The following NFIA variants were observed in gnomAD, a reference collection of about 807,000 sequenced individuals.
NFIA encodes the protein nuclear factor 1 A-type.
Under a neutral mutation model 62.8 loss-of-function variants are expected in NFIA, and 8 were observed. That is an observed-to-expected ratio of 0.13 (90% CI 0.07 to 0.23). NFIA has a LOEUF of 0.23. Ranked by LOEUF, NFIA falls within the 10% of genes least tolerant of loss-of-function variation. The pLI is 1.00. For synonymous variants in NFIA, 235 were observed against 238.1 expected (o/e 0.99, Z 0.12); for missense variants, 410 against 642.1 (o/e 0.64, Z 3.91).
chr1:61,449,498 C>T (rs1667968187), intron 10 of NFIA, among the ~76,000 whole-genome samples: 1 of 152,226 alleles, frequency 6.6e-6, no homozygotes, highest in Admixed American at 6.5e-5. Flanking sequence ...AGAAAGACCC[C>T]TCTGAAGAAG....
At chr1:61,078,071 G>C (rs1419679760), upstream of NFIA, among the ~76,000 whole-genome samples, 1 of 152,010 alleles carries the variant, frequency 6.6e-6, no homozygotes. Flanking sequence ...GGACAACTTG[G>C]GAGATTGACA....
intron 10 of NFIA, among the ~76,000 whole-genome samples, chr1:61,432,241 A>G (rs1667128238): frequency 1.4e-5 from 2 of 144,824 alleles, no homozygotes; most frequent in African/African-American, 2.6e-5. Context: ...TTTTTTGCCA[A>G]TCAGATGGTA....
rs187260245 is a variant in NFIA, at chr1:61,225,479, G to A, written c.560-52041G>A. On this transcript the variant is annotated intron_variant, in intron 2 of 10. Coordinates refer to ENST00000403491, the MANE Select transcript of NFIA (RefSeq NM_001134673.4). ...TTGGCCAGGATGGTCTTGATCTCTT[G>A]ACTTTGTGATCCGCCTGCCTCGGCC... 8.9e-3 allele frequency among the ~76,000 whole-genome samples: 1,341 copies of A among 151,190 alleles called. 12 individuals are homozygous for A. Among genetic ancestry groups the A allele is most frequent in the Middle Eastern group, 0.017 (5 of 290 alleles).
chr1:61,386,677 A>C (rs1157938925), intron 7 of NFIA, among the ~76,000 whole-genome samples: 2 of 152,254 alleles, frequency 1.3e-5, no homozygotes, highest in African/African-American at 4.8e-5. Flanking sequence ...TACATTTGGA[A>C]ATTTCACAGC....
At chr1:61,233,531 T>G (rs1490185664) in intron 2 of NFIA, among the ~76,000 whole-genome samples, 1 of 152,214 alleles carries the variant, frequency 6.6e-6, no homozygotes, top group East Asian at 1.9e-4. Flanking sequence ...CAGAAGAGTC[T>G]CGTCATAGTT....
chr1:61,226,220 C>A (rs1461795437), intron 2 of NFIA, among the ~76,000 whole-genome samples: 1 of 152,190 alleles, frequency 6.6e-6, no homozygotes, highest in African/African-American at 2.4e-5. Flanking sequence ...CGACGTTAAG[C>A]AGCCACTTGG....
intron 2 of NFIA, among the ~76,000 whole-genome samples, chr1:61,254,007 G>C (rs755601286): frequency 2.6e-5 from 4 of 152,070 alleles, no homozygotes; most frequent in African/African-American, 9.7e-5. Flanking sequence ...GTTGTTACTG[G>C]TGGTGGTGGT....
intron 2 of NFIA, among the ~76,000 whole-genome samples, chr1:61,183,126 CTT>C (rs1487364601): frequency 6.6e-6 from 1 of 152,120 alleles, no homozygotes; most frequent in Non-Finnish European, 1.5e-5. Context: ...TGGAGGGAGA[CTT>C]GGGAGGATCC....
At chr1:61,419,267 A>AC (rs1433616232) in intron 9 of NFIA, among the ~76,000 whole-genome samples, 6 of 152,118 alleles carry the variant, frequency 3.9e-5, no homozygotes, top group Admixed American at 2.6e-4. Flanking sequence ...ACATAGTGAG[A>AC]CCCCTACTTC....
rs1668451714 is a variant in NFIA, at chr1:61,459,591, C to T, written c.*4271C>T. Reference sequence around the variant, plus strand: ...AGGCAGGCCGACAAGGTTACACCTCCCAGAGCTTGTGATCTTCATTTTCTG... The same window carrying T: ...AGGCAGGCCGACAAGGTTACACCTCTCAGAGCTTGTGATCTTCATTTTCTG... On this transcript the variant is annotated 3_prime_UTR_variant, in exon 11 of 11. Coordinates refer to ENST00000403491, the MANE Select transcript of NFIA (RefSeq NM_001134673.4). 1 of 152,296 alleles carries T rather than the reference C, an allele frequency of 6.6e-6. No individual in the cohort carries two copies. Among genetic ancestry groups the T allele is most frequent in the Non-Finnish European group, 1.5e-5 (1 of 68,126 alleles). The allele number at this position is 152,296 out of a possible 1,614,324, so 9.4% of individuals were successfully genotyped here.
intron 2 of NFIA, among the ~76,000 whole-genome samples, chr1:61,226,965 A>G (rs894333503): frequency 6.6e-6 from 1 of 152,178 alleles, no homozygotes; most frequent in Admixed American, 6.5e-5. Context: ...CATTTCTCCC[A>G]TGCCAATAGT....
Position 61,338,092 on chromosome 1 carries a change from A to G in NFIA, c.700+5506A>G, listed in dbSNP as rs188978361. Among the ~76,000 whole-genome samples the G allele has an allele frequency of 2.9e-3, 447 of 152,312 alleles. 1 individual carries two copies. Among genetic ancestry groups the G allele is most frequent in the African/African-American group, 9.8e-3 (407 of 41,566 alleles). On this transcript the variant is annotated intron_variant, in intron 4 of 10. Coordinates refer to ENST00000403491, the MANE Select transcript of NFIA (RefSeq NM_001134673.4). ...CGGTTTGTACACCCAAGCCGGCTGC[A>G]AGGGTTAAGTAAACTTCGTGGCTAA...
intron 2 of NFIA, among the ~76,000 whole-genome samples, chr1:61,165,450 G>A (rs1044136362): frequency 4.6e-5 from 7 of 152,142 alleles, no homozygotes; most frequent in Non-Finnish European, 7.4e-5. Context: ...ACCAAACCAC[G>A]TATGTATTTA....
intron 2 of NFIA, among the ~76,000 whole-genome samples, chr1:61,263,648 C>A (rs1410439192): frequency 6.6e-6 from 1 of 152,178 alleles, no homozygotes; most frequent in East Asian, 1.9e-4. Context: ...AACACAGAGA[C>A]ACTCCATGTT....
chr1:61,114,847 T>C (rs1646769760), intron 2 of NFIA, among the ~76,000 whole-genome samples: 1 of 152,154 alleles, frequency 6.6e-6, no homozygotes, highest in Non-Finnish European at 1.5e-5. Context: ...AACACCACAT[T>C]TTGGGTATTT....
intron 2 of NFIA, among the ~76,000 whole-genome samples, chr1:61,105,391 T>G (rs1435130601): frequency 1.3e-5 from 2 of 151,986 alleles, no homozygotes; most frequent in Non-Finnish European, 2.9e-5. Context: ...ACTTTAACTT[T>G]TTTATTCCTT....
chr1:61,250,370 C>T (rs557426515), intron 2 of NFIA, among the ~76,000 whole-genome samples: 1 of 152,318 alleles, frequency 6.6e-6, no homozygotes, highest in African/African-American at 2.4e-5. Context: ...AGACCTTTCT[C>T]CATTGCAACT....
At chr1:61,448,306 T>C (rs113929270) in intron 10 of NFIA, among the ~76,000 whole-genome samples, 2,047 of 152,314 alleles carry the variant, frequency 0.013, 44 homozygotes, top group African/African-American at 0.047. Context: ...TAAAGACAGA[T>C]TTTTATTTTC....
chr1:61,354,757 G>A (rs1662738064), intron 5 of NFIA, among the ~76,000 whole-genome samples: 1 of 152,130 alleles, frequency 6.6e-6, no homozygotes, highest in African/African-American at 2.4e-5. Flanking sequence ...TTCCTCCCTG[G>A]CATTTAGTGT....
Sources: allele counts gnomAD v4.1 joint callset (sites outside exome capture counted in the v4.1 genomes callset), GRCh38; gene constraint gnomAD v4.1.1; transcripts MANE v1.5; gene names NCBI Gene and HGNC (gene_info 2026-07-23, HGNC 2026-07-21).